Variants in NTRK3 observed in about 807,000 individuals in gnomAD.
NTRK3 encodes neurotrophic receptor tyrosine kinase 3.
In NTRK3, 24 loss-of-function variants were observed where a neutral mutation model predicts 91.7. That is an observed-to-expected ratio of 0.26 (90% CI 0.19 to 0.37). NTRK3 has a LOEUF of 0.37. NTRK3 is among the 10% of genes least tolerant of loss of function. The pLI, the probability that NTRK3 is intolerant of heterozygous loss-of-function variation, is 1.00. For synonymous variants in NTRK3, 483 were observed against 404.0 expected (o/e 1.20, Z -2.34); for missense variants, 880 against 1,068.9 (o/e 0.82, Z 2.46).
At chr15:88,157,054 G>C (rs147389815) in intron 5 of NTRK3, among the ~76,000 whole-genome samples, 145 of 152,100 alleles carry the variant, frequency 9.5e-4, no homozygotes, top group African/African-American at 3.4e-3. Context: ...GCAGGGTGCG[G>C]CTTCTGCTCC....
intron 14 of NTRK3, among the ~76,000 whole-genome samples, chr15:87,985,442 G>A (rs760770903): frequency 5.3e-5 from 8 of 152,158 alleles, no homozygotes; most frequent in Non-Finnish European, 7.3e-5. Flanking sequence ...ATTTCAAAGG[G>A]TTCTATACAA....
At chr15:87,969,801 A>G (rs555911136) in intron 14 of NTRK3, among the ~76,000 whole-genome samples, 13 of 152,238 alleles carry the variant, frequency 8.5e-5, no homozygotes, top group African/African-American at 3.1e-4. Flanking sequence ...CTTGAGATCA[A>G]TTTCAGAAAA....
chr15:87,902,886 G>C (rs1346736709), intron 17 of NTRK3, among the ~76,000 whole-genome samples: 2 of 152,102 alleles, frequency 1.3e-5, no homozygotes, highest in African/African-American at 4.8e-5. Flanking sequence ...ACTACGATAA[G>C]CCTCCTCTCA....
At chr15:88,052,773 T>C (rs2045342320) in intron 13 of NTRK3, among the ~76,000 whole-genome samples, 1 of 152,188 alleles carries the variant, frequency 6.6e-6, no homozygotes, top group Admixed American at 6.5e-5. Flanking sequence ...AGAAGTTTGC[T>C]AGCACATATG....
At chr15:87,971,007 C>T (rs550290821) in intron 14 of NTRK3, among the ~76,000 whole-genome samples, 3 of 152,282 alleles carry the variant, frequency 2.0e-5, no homozygotes, top group Middle Eastern at 3.4e-3. Context: ...GTCTTCTTAA[C>T]GACTAGGTTG....
At chr15:87,958,437 A>G (rs2071899691) in intron 14 of NTRK3, among the ~76,000 whole-genome samples, 2 of 152,026 alleles carry the variant, frequency 1.3e-5, no homozygotes, top group Non-Finnish European at 2.9e-5. Context: ...CCTACTTGGC[A>G]TCTCTGCTTG....
At chr15:87,890,828 C>T (rs2065819628) in intron 17 of NTRK3, among the ~76,000 whole-genome samples, 1 of 152,062 alleles carries the variant, frequency 6.6e-6, no homozygotes, top group Non-Finnish European at 1.5e-5. Context: ...ATTCCTGGAT[C>T]CTTTTGGAGG....
chr15:87,974,677 A>T (rs780116562), intron 14 of NTRK3, among the ~76,000 whole-genome samples: 1 of 152,182 alleles, frequency 6.6e-6, no homozygotes, highest in Non-Finnish European at 1.5e-5. Flanking sequence ...ACTGTAAGAC[A>T]TGTGATTAAT....
chr15:88,002,168 GTTTTTTT>G (rs770668339), intron 14 of NTRK3, among the ~76,000 whole-genome samples: 6 of 70,182 alleles, frequency 8.5e-5, no homozygotes, highest in Middle Eastern at 0.01. Context: ...GATAGTGGTT[GTTTTTTT>G]TTTTTTTTTT....
chr15:87,991,009 C>A (rs1328311129), intron 14 of NTRK3, among the ~76,000 whole-genome samples: 1 of 152,146 alleles, frequency 6.6e-6, no homozygotes, highest in Non-Finnish European at 1.5e-5. Flanking sequence ...CAAAACTGAC[C>A]TCTTGAAGGT....
chr15:87,966,800 G>A (rs1205523996), intron 14 of NTRK3, among the ~76,000 whole-genome samples: 4 of 152,308 alleles, frequency 2.6e-5, no homozygotes, highest in Non-Finnish European at 5.9e-5. Context: ...ACTTTTGGCA[G>A]CTAAAGGAGG....
At chr15:88,212,725 C>CACACAA (rs2049367441) in intron 3 of NTRK3, among the ~76,000 whole-genome samples, 1 of 6,722 alleles carries the variant, frequency 1.5e-4, no homozygotes, top group Non-Finnish European at 9.3e-4. Flanking sequence ...CACACACACA[C>CACACAA]ACACACACAC....
At chr15:87,985,836 C>T (rs983396155) in intron 14 of NTRK3, among the ~76,000 whole-genome samples, 6 of 151,998 alleles carry the variant, frequency 3.9e-5, no homozygotes, top group African/African-American at 4.8e-5. Context: ...CACAGCTTGT[C>T]CCTGATGAGT....
At chr15:87,908,360 G>A in intron 17 of NTRK3, 1 of 397,200 alleles carries the variant, frequency 2.5e-6, no homozygotes, top group Non-Finnish European at 4.4e-6. Context: ...CACGGTGGGA[G>A]GCAAGGAAAA....
At chr15:88,099,095 G>A (rs2049920569) in intron 13 of NTRK3, 1 of 230,530 alleles carries the variant, frequency 4.3e-6, no homozygotes, top group Admixed American at 5.6e-5. Flanking sequence ...CATTGTAGTG[G>A]GTGGTGTGTA....
chr15:88,137,757 A>T (rs1286968143), intron 6 of NTRK3, among the ~76,000 whole-genome samples, 196 bp from the exon 7 acceptor site: 9 of 152,174 alleles, frequency 5.9e-5, no homozygotes, highest in Non-Finnish European at 1.2e-4. Flanking sequence ...TCATTTTTTT[A>T]AAAAAAGAAA....
rs1373052284 is a variant in NTRK3 at position 88,233,163 on chromosome 15, T to C, written c.248+22743A>G. Among the ~76,000 whole-genome samples, 2 of 152,144 alleles carry C rather than the reference T, an allele frequency of 1.3e-5. No homozygotes were observed. The highest frequency in any genetic ancestry group is 4.8e-5 in the African/African-American group (2 of 41,422). ...TCGGAGCCACCCCAGGCTATTTTCC[T>C]CTGGAGCTAAAGCCTGAATAAGCAA... On this transcript the variant is annotated intron_variant, in intron 3 of 18. Coordinates refer to ENST00000394480, the Ensembl canonical transcript of NTRK3. The surrounding 1 kb of genome is among the most constrained non-coding windows in gnomAD (Gnocchi z 4.2).
intron 13 of NTRK3, among the ~76,000 whole-genome samples, chr15:88,049,382 T>G (rs1021638696): frequency 6.6e-6 from 1 of 152,202 alleles, no homozygotes; most frequent in Non-Finnish European, 1.5e-5. Flanking sequence ...TTAACAATAT[T>G]GTTTGTTGGT....
At chr15:87,896,159 G>C (rs2141608514) in intron 17 of NTRK3, among the ~76,000 whole-genome samples, 1 of 152,226 alleles carries the variant, frequency 6.6e-6, no homozygotes, top group East Asian at 1.9e-4. Flanking sequence ...ACTCATATTT[G>C]GCTCAGAATA....
Sources: gnomAD v4.1 joint callset for allele counts (sites outside exome capture counted in the v4.1 genomes callset) on GRCh38, gnomAD v4.1.1 for gene constraint, Gnocchi (gnomAD v3.1) non-coding constraint, MANE v1.5 for transcripts, NCBI Gene and HGNC (gene_info 2026-07-23, HGNC 2026-07-21) for gene names.